MYPN: variants seen among roughly 807,000 people sequenced by gnomAD.
The protein encoded by MYPN is sarcomeric protein myopalladin, 145 kDa (MYOP).
A neutral mutation model predicts 129.4 loss-of-function variants in MYPN; 63 were observed. That is an observed-to-expected ratio of 0.49 (90% CI 0.40 to 0.60). The LOEUF (loss-of-function observed/expected upper bound fraction) is 0.60. Among genes scored for constraint, MYPN ranks in the 20% least tolerant of loss-of-function variants. The probability of loss-of-function intolerance (pLI) is 0.00; values close to 1 mark genes in which losing one functional copy is unlikely to be tolerated. For synonymous variants in MYPN, 629 were observed against 600.9 expected, an observed-to-expected ratio of 1.05 and a Z score of -0.68; for missense variants, 1,596 against 1,635.4, an observed-to-expected ratio of 0.98 and a Z score of 0.42.
intron 1 of MYPN, among the ~76,000 whole-genome samples, chr10:68,110,793 C>A (rs1197213929): frequency 6.6e-6 from 1 of 152,108 alleles, no homozygotes; most frequent in East Asian, 1.9e-4. Context: ...GATATACTGT[C>A]CGACACATGA....
At chr10:68,147,269 C>A (rs962796297) in intron 4 of MYPN, among the ~76,000 whole-genome samples, 1 of 152,144 alleles carries the variant, frequency 6.6e-6, no homozygotes. Flanking sequence ...ATTCTCCCAC[C>A]TCAGCCTCCC....
chr10:68,166,212 G>A, intron 9 of MYPN, 82 bp from the exon 10 acceptor site: 1 of 1,536,704 alleles, frequency 6.5e-7, no homozygotes. Context: ...TTCCTCTGGT[G>A]TGAACACTTT....
At chr10:68,145,403 T>A in intron 3 of MYPN, 72 bp from the exon 4 acceptor site, 1 of 1,195,838 alleles carries the variant, frequency 8.4e-7, no homozygotes, top group Non-Finnish European at 1.2e-6. Flanking sequence ...TTAAAAATCT[T>A]ATGTCGTGTT....
At chr10:68,098,187 A>G (rs2133942067) in intron 1 of MYPN, among the ~76,000 whole-genome samples, 1 of 152,270 alleles carries the variant, frequency 6.6e-6, no homozygotes, top group East Asian at 1.9e-4. Flanking sequence ...CGAAGGTTGC[A>G]GTGAGCTGAG....
chr10:68,172,937 G>A (rs2043164654), intron 10 of MYPN, among the ~76,000 whole-genome samples: 1 of 152,124 alleles, frequency 6.6e-6, no homozygotes, highest in Non-Finnish European at 1.5e-5. Context: ...GCCGGGCATG[G>A]TGGCAGACAC....
chr10:68,209,722 G>T (rs528590060), intron 19 of MYPN, among the ~76,000 whole-genome samples: 26 of 140,626 alleles, frequency 1.8e-4, no homozygotes, highest in Admixed American at 1.6e-3. Context: ...ATGGAGTCTC[G>T]CTCTGTCGCC....
chr10:68,146,748 GC>G (rs2042673230), intron 4 of MYPN, among the ~76,000 whole-genome samples: 1 of 152,286 alleles, frequency 6.6e-6, no homozygotes, highest in South Asian at 2.1e-4. Context: ...AGGCTTGTCA[GC>G]CTTTTAAGGT....
chr10:68,092,968 G>C (rs967460049), intron 1 of MYPN, among the ~76,000 whole-genome samples: 1 of 152,110 alleles, frequency 6.6e-6, no homozygotes, highest in Non-Finnish European at 1.5e-5. Flanking sequence ...CAAGACCCCT[G>C]GAGGGCCATG....
intron 1 of MYPN, among the ~76,000 whole-genome samples, chr10:68,117,776 T>A (rs2042179610): frequency 6.6e-6 from 1 of 151,384 alleles, no homozygotes; most frequent in Non-Finnish European, 1.5e-5. Flanking sequence ...TGGCCATAGC[T>A]GTTAAATAAT....
At chr10:68,205,778 G>A (rs547419122) in intron 18 of MYPN, among the ~76,000 whole-genome samples, 3 of 152,186 alleles carry the variant, frequency 2.0e-5, no homozygotes, top group South Asian at 2.1e-4. Context: ...CATAGTATTC[G>A]TAAGTGTTTA....
In MYPN at chr10:68,136,773, A is replaced by G. The variant is rs771479307; in HGVS notation, c.903-6167A>G. The stretch of plus-strand genomic sequence containing the variant: ...TTCTCTAAATAATTTAGATAATCCT[A>G]TAATGTTTGTATAATGGAAAGTATT... On this transcript the variant is annotated intron_variant, in intron 2 of 19. Coordinates refer to ENST00000358913, the MANE Select transcript of MYPN (RefSeq NM_032578.4). The G allele has an allele frequency of 8.6e-6, 13 of 1,509,154 alleles. No individual in the cohort carries two copies. In the Middle Eastern group the frequency reaches 8.4e-4, roughly 98 times the overall value. The allele number at this position is 1,509,154 out of a possible 1,614,324, so 93.5% of individuals were successfully genotyped here.
At chr10:68,197,306 T>C (rs1380153166) in intron 15 of MYPN, 46 bp from the exon 16 acceptor site, 2 of 1,606,470 alleles carry the variant, frequency 1.2e-6, no homozygotes, top group Admixed American at 3.3e-5. Flanking sequence ...CATAAGTTTG[T>C]AAATTTATTT....
At chr10:68,136,083 C>T (rs2042482856) in intron 2 of MYPN, 1 of 254,198 alleles carries the variant, frequency 3.9e-6, no homozygotes. Flanking sequence ...AACAATGAGT[C>T]ATAATATTTA....
At chr10:68,148,817 A>C (rs2042715764) in intron 5 of MYPN, among the ~76,000 whole-genome samples, 1 of 152,244 alleles carries the variant, frequency 6.6e-6, no homozygotes, top group Non-Finnish European at 1.5e-5. Flanking sequence ...GGAGCTGCAG[A>C]GAATTCCACT....
At chr10:68,154,584 A>G (rs1053923770) in intron 6 of MYPN, among the ~76,000 whole-genome samples, 2 of 152,234 alleles carry the variant, frequency 1.3e-5, no homozygotes, top group African/African-American at 2.4e-5. Flanking sequence ...GCTTTCAATC[A>G]GACAGTTCTT....
intron 12 of MYPN, 78 bp downstream of exon 12, chr10:68,175,539 A>G: frequency 6.6e-7 from 1 of 1,514,202 alleles, no homozygotes; most frequent in South Asian, 1.1e-5. Flanking sequence ...GTCCTCGGAT[A>G]CTCAGGTAAC....
At chr10:68,099,595 G>A (rs534054647) in intron 1 of MYPN, among the ~76,000 whole-genome samples, 6 of 151,698 alleles carry the variant, frequency 4.0e-5, no homozygotes, top group South Asian at 2.1e-4. Flanking sequence ...AGCCAAGATC[G>A]TGCCACTGCA....
At chr10:68,177,664 A>T (rs890626586) in intron 12 of MYPN, among the ~76,000 whole-genome samples, 1 of 152,212 alleles carries the variant, frequency 6.6e-6, no homozygotes, top group African/African-American at 2.4e-5. Context: ...AGGAAAGTGT[A>T]AAAACACTAG....
In MYPN at chr10:68,169,361, T is replaced by TA. The variant is rs1564677220; in HGVS notation, c.1973+2695_1973+2696insA. Among the ~76,000 whole-genome samples the TA allele has an allele frequency of 9.6e-3, 673 of 70,224 alleles. 9 individuals carry two copies. The highest frequency in any genetic ancestry group is 0.037 in the African/African-American group (625 of 16,680). The allele number at this position is 70,224 out of a possible 152,430, so 46.1% of individuals were successfully genotyped here. On this transcript the variant is annotated intron_variant, in intron 10 of 19. Transcript: ENST00000358913. ...CAACAGAGTGAGACTCCGTCTCAAA[T>TA]TAAAAAAAAAAAAAAAAGAAGTGAC...
Sources: gnomAD v4.1 joint callset for allele counts (sites outside exome capture counted in the v4.1 genomes callset) on GRCh38, gnomAD v4.1.1 for gene constraint, MANE v1.5 for transcripts, NCBI Gene and HGNC (gene_info 2026-07-23, HGNC 2026-07-21) for gene names.